The following LAIR1 variants were observed in gnomAD, a reference collection of about 807,000 sequenced individuals.
The protein encoded by LAIR1 is leukocyte-associated immunoglobulin-like receptor 1.
A neutral mutation model predicts 32.8 loss-of-function variants in LAIR1; 24 were observed. The observed-to-expected ratio is 0.73, with a 90% CI of 0.53 to 1.03. LAIR1 has a LOEUF of 1.03. Among genes scored for constraint, LAIR1 ranks in the 50% least tolerant of loss-of-function variants. The probability of loss-of-function intolerance (pLI) is 0.00; values close to 1 mark genes in which losing one functional copy is unlikely to be tolerated. For missense variants in LAIR1, 355 were observed against 347.5 expected (o/e 1.02, Z -0.17); for synonymous variants, 150 against 140.5 (o/e 1.07, Z -0.48).
At chr19:54,373,239 G>C (rs538491913), upstream of LAIR1, among the ~76,000 whole-genome samples, 1 of 151,126 alleles carries the variant, frequency 6.6e-6, no homozygotes, top group Admixed American at 6.6e-5. Flanking sequence ...TCAGGTGATC[G>C]AGACCATCCT....
rs2081951089 is a variant in LAIR1 at position 54,360,318 on chromosome 19, T to TTA, written c.365-247_365-246insTA. 2.7e-5 allele frequency among the ~76,000 whole-genome samples: 3 copies of TTA among 111,190 alleles called. No individual in the cohort carries two copies. The East Asian group carries it at 7.6e-4, about 28-fold the overall frequency. The allele number at this position is 111,190 out of a possible 152,430, so 72.9% of individuals were successfully genotyped here. On this transcript the variant is annotated intron_variant, in intron 3 of 9. Coordinates refer to ENST00000391742, the MANE Select transcript of LAIR1 (RefSeq NM_002287.6). ...GCTCTTCTTGACCTCAGGGGACTGCTGAGGTCCTGGAGGGACATGAAGATG... is the reference window on the plus strand; with the variant it reads ...GCTCTTCTTGACCTCAGGGGACTGCTTAGAGGTCCTGGAGGGACATGAAGATG...
intron 2 of LAIR1, among the ~76,000 whole-genome samples, chr19:54,361,982 CG>C (rs1028682765): frequency 6.6e-6 from 1 of 151,406 alleles, no homozygotes; most frequent in African/African-American, 2.4e-5. Flanking sequence ...AATCCCTGAG[CG>C]GGGCAGAGAG....
chr19:54,358,001 A>G (rs1203830833), intron 4 of LAIR1: 2 of 149,416 alleles, frequency 1.3e-5, no homozygotes, highest in Non-Finnish European at 3.0e-5. Context: ...TATTATGCAA[A>G]TGTATAATAT....
chr19:54,360,630 C>G, intron 3 of LAIR1: 2 of 515,736 alleles, frequency 3.9e-6, no homozygotes, highest in Non-Finnish European at 6.9e-6. Flanking sequence ...CTCTGGGAAC[C>G]CACTCCCCAC....
rs1002606387 is a variant in LAIR1, at chr19:54,364,925, A to G, written c.-121T>C. The stretch of plus-strand genomic sequence containing the variant: ...GGCCTCCTGCCTATGGGGCTTCCAC[A>G]GCAACTGCCTCACACAAGAGGAAGA... On this transcript the variant is annotated 5_prime_UTR_variant, in exon 1 of 10. Coordinates refer to ENST00000391742, the MANE Select transcript of LAIR1 (RefSeq NM_002287.6). The surrounding 1 kb of genome is among the most constrained non-coding windows in gnomAD (Gnocchi z 4.8). 3.8e-6 allele frequency: 6 copies of G among 1,588,336 alleles called. No homozygotes were observed. The African/African-American group carries it at 6.7e-5, about 18-fold the overall frequency.
chr19:54,373,860 C>T (rs1188299359), upstream of LAIR1, among the ~76,000 whole-genome samples: 1 of 152,158 alleles, frequency 6.6e-6, no homozygotes, highest in Non-Finnish European at 1.5e-5. Flanking sequence ...CCCATCATGC[C>T]CTTGGGCAAT....
At chr19:54,367,898 C>G (rs1033596520), upstream of LAIR1, among the ~76,000 whole-genome samples, 5 of 149,410 alleles carry the variant, frequency 3.3e-5, no homozygotes, top group African/African-American at 9.8e-5. Context: ...TCAGCCTCCC[C>G]AGTAGCTGGG....
upstream of LAIR1, among the ~76,000 whole-genome samples, chr19:54,373,424 A>G (rs1393453261): frequency 6.6e-6 from 1 of 151,870 alleles, no homozygotes; most frequent in East Asian, 1.9e-4. Context: ...AGCCAGGGTG[A>G]CAGAGCGAGA....
Position 54,364,381 on chromosome 19 carries a change from G to A in LAIR1, c.35-51C>T, listed in dbSNP as rs369095567. On this transcript the variant is annotated intron_variant, in intron 1 of 9. Transcript: ENST00000391742. This position sits in a 1 kb window ranked among gnomAD's most constrained non-coding sequence, Gnocchi z 4.8. ...AATGCCCAGTGCCCAGTCTCCTTAC[G>A]GGGCTGCTGTCAAAAGGGGGCTCGA... The A allele has an allele frequency of 2.9e-3, 4,725 of 1,610,514 alleles. 12 individuals are homozygous for A. The highest frequency in any genetic ancestry group is 3.5e-3 in the Non-Finnish European group (4,150 of 1,177,900).
At chr19:54,362,521 G>C (rs2082074721) in intron 2 of LAIR1, among the ~76,000 whole-genome samples, 1 of 152,206 alleles carries the variant, frequency 6.6e-6, no homozygotes, top group South Asian at 2.1e-4. Context: ...GTCTTGCTCT[G>C]TCACCCAGGA....
upstream of LAIR1, among the ~76,000 whole-genome samples, chr19:54,367,834 G>A (rs1246539733): frequency 1.4e-5 from 2 of 144,528 alleles, no homozygotes; most frequent in Non-Finnish European, 3.0e-5. Flanking sequence ...CTGCAGTGGC[G>A]CAATCTCGGC....
intron 2 of LAIR1, 60 bp from the exon 3 acceptor site, chr19:54,361,269 C>A: frequency 2.6e-6 from 4 of 1,553,256 alleles, no homozygotes; most frequent in Non-Finnish European, 3.5e-6. Flanking sequence ...ATGCCACACA[C>A]GTCATTTTAG....
At chr19:54,358,935 A>G (rs192116465) in intron 4 of LAIR1, among the ~76,000 whole-genome samples, 2,210 of 150,582 alleles carry the variant, frequency 0.015, 10 homozygotes, top group African/African-American at 0.052. Context: ...AGGTGAGAGA[A>G]GAGAGAAGGA....
chr19:54,356,605 G>T lies in LAIR1; in HGVS notation c.469C>A (p.Gln157Lys), dbSNP rs1458436120. Residue 157 changes from glutamine to lysine, a missense_variant, in exon 6 of 10, where the codon CAA (glutamine) becomes AAA (lysine). By Grantham distance (53) the Gln-to-Lys change is moderately conservative (BLOSUM62 1). Coordinates refer to ENST00000391742, the MANE Select transcript of LAIR1 (RefSeq NM_002287.6). Reference sequence around the variant, plus strand: ...TACAGATGCTCAGCTTTCAGGCCTTGGGAAGCAGGTGCATCTAAGAAAGAC... The same window carrying T: ...TACAGATGCTCAGCTTTCAGGCCTTTGGAAGCAGGTGCATCTAAGAAAGAC... ...NSHNEHAPAS[Q>K]GLKAEHLYIL... The T allele has an allele frequency of 6.2e-7, 1 of 1,613,732 alleles. No homozygotes were observed. Among genetic ancestry groups the T allele is most frequent in the Admixed American group, 1.7e-5 (1 of 59,998 alleles).
chr19:54,357,370 C>T (rs926123408), intron 4 of LAIR1: 3 of 168,914 alleles, frequency 1.8e-5, no homozygotes, highest in East Asian at 1.6e-4. Context: ...ACCAACCACC[C>T]GCAACAAGAG....
At chr19:54,356,077 C>T in intron 8 of LAIR1, 71 bp from the exon 9 acceptor site, 2 of 1,340,292 alleles carry the variant, frequency 1.5e-6, no homozygotes, top group Middle Eastern at 2.1e-4. Flanking sequence ...AGACCCCCAC[C>T]CCCAGCTTCC....
Position 54,355,484 on chromosome 19 carries a change from G to T in LAIR1, c.718-70C>A, listed in dbSNP as rs2081651655. 1.4e-6 allele frequency: 2 copies of T among 1,402,102 alleles called. No homozygotes were observed. Among genetic ancestry groups the T allele is most frequent in the Admixed American group, 2.3e-5 (1 of 43,430 alleles). 86.9% of individuals were successfully genotyped at this position (1,402,102 alleles called of 1,614,324 possible). On this transcript the variant is annotated intron_variant, in intron 9 of 9. Coordinates refer to ENST00000391742, the MANE Select transcript of LAIR1 (RefSeq NM_002287.6). This position sits in a 1 kb window ranked among gnomAD's most constrained non-coding sequence, Gnocchi z 4.7. ...GAGACGAGGGGCTGTGGGGAGGGAG[G>T]GCTGTGGCGGCCATCTCCATGGGCC...
chr19:54,370,587 C>T (rs979404112), upstream of LAIR1: 4 of 310,026 alleles, frequency 1.3e-5, no homozygotes, highest in South Asian at 8.2e-5. Context: ...AACTGAAAAC[C>T]GCACAGGATG....
chr19:54,365,047 G>C, upstream of LAIR1: 2 of 1,404,946 alleles, frequency 1.4e-6, no homozygotes, highest in Non-Finnish European at 1.8e-6. Context: ...GTCGCTTAGA[G>C]GCAGATGACC....
Sources: gnomAD v4.1 joint callset for allele counts (sites outside exome capture counted in the v4.1 genomes callset) on GRCh38, gnomAD v4.1.1 for gene constraint, Gnocchi (gnomAD v3.1) non-coding constraint, MANE v1.5 for transcripts, NCBI Gene and HGNC (gene_info 2026-07-23, HGNC 2026-07-21) for gene names.